GRIK4: variants seen among roughly 807,000 people sequenced by gnomAD.
The protein encoded by GRIK4 is glutamate ionotropic receptor kainate type subunit 4, also known as glutamate receptor ionotropic, kainate 4.
In GRIK4, 40 loss-of-function variants were observed where a neutral mutation model predicts 104.9. The ratio of observed to expected loss-of-function variants is 0.38; its 90% confidence interval spans 0.30 to 0.50. The LOEUF is 0.50. GRIK4 is among the 20% of genes least tolerant of loss of function. GRIK4 has a pLI of 0.93. For synonymous variants in GRIK4, 485 were observed against 524.9 expected, an observed-to-expected ratio of 0.92 and a Z score of 1.04; for missense variants, 1,047 against 1,308.1, an observed-to-expected ratio of 0.80 and a Z score of 3.08.
chr11:120,882,587 A>G (rs1027679174), intron 11 of GRIK4, among the ~76,000 whole-genome samples: 1 of 152,180 alleles, frequency 6.6e-6, no homozygotes, highest in Non-Finnish European at 1.5e-5. Flanking sequence ...GCTGCTTTGA[A>G]GGTTACTGAG....
At chr11:120,777,706 G>A (rs764615171) in intron 3 of GRIK4, among the ~76,000 whole-genome samples, 2 of 152,234 alleles carry the variant, frequency 1.3e-5, no homozygotes, top group Non-Finnish European at 2.9e-5. Flanking sequence ...GGAGGCCAAG[G>A]CGGGTGGATC....
intron 1 of GRIK4, among the ~76,000 whole-genome samples, chr11:120,533,559 T>C (rs867687697): frequency 1.3e-5 from 2 of 152,324 alleles, no homozygotes; most frequent in Middle Eastern, 3.4e-3. Context: ...AGCTGGATTA[T>C]GGAGGGTCTT....
At chr11:120,731,443 T>C (rs1316829312) in intron 3 of GRIK4, among the ~76,000 whole-genome samples, 2 of 152,188 alleles carry the variant, frequency 1.3e-5, no homozygotes, top group African/African-American at 4.8e-5. Context: ...AATGATCTTT[T>C]TAATATATTG....
intron 8 of GRIK4, among the ~76,000 whole-genome samples, chr11:120,860,783 T>C (rs1027879693): frequency 6.6e-6 from 1 of 152,148 alleles, no homozygotes; most frequent in Non-Finnish European, 1.5e-5. Flanking sequence ...CCCGCAAACC[T>C]TCAGGTTGAG....
At chr11:120,589,613 C>T (rs1473932155) in intron 1 of GRIK4, among the ~76,000 whole-genome samples, 6 of 152,142 alleles carry the variant, frequency 3.9e-5, no homozygotes, top group East Asian at 1.9e-4. Flanking sequence ...CAGCGGCCAC[C>T]GTTTGCTCTG....
intron 1 of GRIK4, among the ~76,000 whole-genome samples, chr11:120,602,222 C>A (rs780552426): frequency 2.0e-5 from 3 of 152,144 alleles, no homozygotes; most frequent in Non-Finnish European, 4.4e-5. Context: ...TGGAGGCCCC[C>A]CTTCTAGTTT....
intron 5 of GRIK4, among the ~76,000 whole-genome samples, chr11:120,815,749 T>A (rs1364107333): frequency 6.6e-6 from 1 of 151,872 alleles, no homozygotes; most frequent in African/African-American, 2.4e-5. Flanking sequence ...AGCGGCCTCT[T>A]GGTGGTGGTG....
At chr11:120,520,573 T>G (rs1234579971) in intron 1 of GRIK4, among the ~76,000 whole-genome samples, 1 of 152,156 alleles carries the variant, frequency 6.6e-6, no homozygotes, top group Admixed American at 6.5e-5. Flanking sequence ...AGTGCTCAGG[T>G]GAGACAGGAC....
intron 3 of GRIK4, among the ~76,000 whole-genome samples, chr11:120,722,230 A>G (rs1950945201): frequency 6.6e-6 from 1 of 152,174 alleles, no homozygotes; most frequent in East Asian, 1.9e-4. Flanking sequence ...GTGTTTATAT[A>G]TGGCATTCTT....
rs1045388836 is a variant in GRIK4, at chr11:120,902,932, G to A, written c.1273-2358G>A. On this transcript the variant is annotated intron_variant, in intron 12 of 20. Transcript: ENST00000527524. The surrounding 1 kb of genome is among the most constrained non-coding windows in gnomAD (Gnocchi z 4.5). Reference sequence around the variant, plus strand: ...TGGACTCATCCAGAATCAGAATCACGTCACCTTCCACTCAGAGCTCCCGCT... The same window carrying A: ...TGGACTCATCCAGAATCAGAATCACATCACCTTCCACTCAGAGCTCCCGCT... Among the ~76,000 whole-genome samples, 9 of 152,074 alleles carry A rather than the reference G, an allele frequency of 5.9e-5. No individual in the cohort carries two copies. Among genetic ancestry groups the A allele is most frequent in the African/African-American group, 2.2e-4 (9 of 41,386 alleles).
chr11:120,817,326 T>G (rs566893000), intron 5 of GRIK4, among the ~76,000 whole-genome samples: 1 of 152,338 alleles, frequency 6.6e-6, no homozygotes, highest in East Asian at 1.9e-4. Context: ...TCTGCCCCTG[T>G]GCCAGACCAG....
intron 3 of GRIK4, among the ~76,000 whole-genome samples, chr11:120,698,080 G>A (rs116355295): frequency 1.4e-4 from 21 of 152,138 alleles, no homozygotes; most frequent in African/African-American, 5.1e-4. Context: ...GTGTGGTGTG[G>A]CGTTTCTCCA....
chr11:120,843,265 G>C (rs1176578918), intron 8 of GRIK4, among the ~76,000 whole-genome samples: 1 of 152,248 alleles, frequency 6.6e-6, no homozygotes, highest in Non-Finnish European at 1.5e-5. Context: ...CCCTGCTCTC[G>C]GCACCGCCGC....
At chr11:120,814,033 C>A (rs1009311051) in intron 4 of GRIK4, among the ~76,000 whole-genome samples, 1 of 152,300 alleles carries the variant, frequency 6.6e-6, no homozygotes, top group African/African-American at 2.4e-5. Context: ...ATCTTAGATT[C>A]TCTCCCCCTC....
intron 9 of GRIK4, among the ~76,000 whole-genome samples, chr11:120,863,727 T>C (rs1954320515): frequency 6.6e-6 from 1 of 152,244 alleles, no homozygotes; most frequent in Non-Finnish European, 1.5e-5. Flanking sequence ...TAGACATCTA[T>C]ACACTTGGCA....
intron 3 of GRIK4, among the ~76,000 whole-genome samples, chr11:120,707,676 A>G (rs1208311178): frequency 2.6e-5 from 4 of 152,202 alleles, no homozygotes; most frequent in Non-Finnish European, 5.9e-5. Flanking sequence ...TCAAAAGGCT[A>G]ATCTGTGCTC....
At chr11:120,516,663 AAAGGGGGGTAAGCTTGAATGACATTTTC>A (rs1947729233) in intron 1 of GRIK4, among the ~76,000 whole-genome samples, 1 of 152,018 alleles carries the variant, frequency 6.6e-6, no homozygotes, top group Admixed American at 6.6e-5. Context: ...CAGTGAGGCG[AAAGGGGGGTAAGCTTGAATGACATTTTC>A]AAGAACAGCA....
chr11:120,960,832 C>T, intron 16 of GRIK4, 77 bp from the exon 17 acceptor site: 2 of 1,143,070 alleles, frequency 1.7e-6, no homozygotes, highest in Non-Finnish European at 2.5e-6. Flanking sequence ...TCCCATGTCA[C>T]AGCAGGACTG....
At position 120,620,933 on chromosome 11, in the gene GRIK4, G is replaced by A. The variant is rs925133337; in HGVS notation, c.-158-32752G>A. ...TACCCGCCTCTTACTGTTGAGGCTC[G>A]GAGAGCAGTTAAGTCACTTGCCCAC... On this transcript the variant is annotated intron_variant, in intron 1 of 20. Coordinates refer to ENST00000527524, the MANE Select transcript of GRIK4 (RefSeq NM_014619.5). Among the ~76,000 whole-genome samples the A allele has an allele frequency of 1.7e-4, 26 of 152,264 alleles. 1 individual carries two copies. The highest frequency in any genetic ancestry group is 7.4e-5 in the Non-Finnish European group (5 of 68,022).
Sources: gnomAD v4.1 joint callset for allele counts (sites outside exome capture counted in the v4.1 genomes callset) on GRCh38, gnomAD v4.1.1 for gene constraint, Gnocchi (gnomAD v3.1) non-coding constraint, MANE v1.5 for transcripts, NCBI Gene and HGNC (gene_info 2026-07-23, HGNC 2026-07-21) for gene names.